MARCHF3: variants seen among roughly 807,000 people sequenced by gnomAD.
The protein encoded by MARCHF3 is E3 ubiquitin-protein ligase MARCHF3.
In MARCHF3, 13 loss-of-function variants were observed where a neutral mutation model predicts 24.2. The observed-to-expected ratio is 0.54, with a 90% CI of 0.35 to 0.85. MARCHF3 has a LOEUF of 0.85. Ranked by LOEUF, MARCHF3 falls within the 40% of genes least tolerant of loss-of-function variation. MARCHF3 has a pLI of 0.01. For synonymous variants in MARCHF3, 144 were observed against 137.3 expected, an observed-to-expected ratio of 1.05 and a Z score of -0.34; for missense variants, 276 against 325.0, an observed-to-expected ratio of 0.85 and a Z score of 1.16.
chr5:126,949,225 GAA>G (rs1484467362), intron 1 of MARCHF3, among the ~76,000 whole-genome samples: 4 of 152,142 alleles, frequency 2.6e-5, no homozygotes, highest in African/African-American at 9.7e-5. Context: ...TAAATGATAT[GAA>G]ATCTCAAATT....
intron 1 of MARCHF3, among the ~76,000 whole-genome samples, chr5:126,949,468 A>T (rs555341543): frequency 6.6e-6 from 1 of 152,332 alleles, no homozygotes; most frequent in South Asian, 2.1e-4. Context: ...CTATTAATAC[A>T]TCCTGAAAAA....
chr5:126,917,858 T>C, intron 2 of MARCHF3, 126 bp downstream of exon 2: 2 of 970,154 alleles, frequency 2.1e-6, no homozygotes, highest in African/African-American at 1.7e-5. Context: ...TTTTTTTTTT[T>C]TTCCAGCACC....
At chr5:126,958,058 T>C (rs533060234) in intron 1 of MARCHF3, among the ~76,000 whole-genome samples, 1 of 152,180 alleles carries the variant, frequency 6.6e-6, no homozygotes, top group Non-Finnish European at 1.5e-5. Flanking sequence ...GGGAAAGCTA[T>C]TGATTTTAGT....
chr5:126,994,890 C>T (rs1751896055), intron 1 of MARCHF3, among the ~76,000 whole-genome samples: 1 of 152,242 alleles, frequency 6.6e-6, no homozygotes, highest in South Asian at 2.1e-4. Context: ...GCTGGTTTGA[C>T]TCCAAGAGTC....
At chr5:127,019,290 G>C (rs76019059) in intron 1 of MARCHF3, among the ~76,000 whole-genome samples, 5 of 152,094 alleles carry the variant, frequency 3.3e-5, no homozygotes, top group Admixed American at 6.5e-5. Context: ...TCCAAGTCAC[G>C]ACAAGTAGTA....
chr5:127,001,433 C>A (rs1279077763), intron 1 of MARCHF3, among the ~76,000 whole-genome samples: 2 of 152,170 alleles, frequency 1.3e-5, no homozygotes, highest in Non-Finnish European at 2.9e-5. Context: ...TTACTGTCAT[C>A]TGTAAAACAA....
At chr5:126,999,441 G>A (rs796800173) in intron 1 of MARCHF3, among the ~76,000 whole-genome samples, 5 of 152,198 alleles carry the variant, frequency 3.3e-5, no homozygotes, top group African/African-American at 1.2e-4. Flanking sequence ...CCCAGCTCCC[G>A]TTCCTCCAAG....
chr5:126,916,514 C>T (rs1159112056), intron 2 of MARCHF3, among the ~76,000 whole-genome samples: 2 of 152,126 alleles, frequency 1.3e-5, no homozygotes, highest in African/African-American at 2.4e-5. Flanking sequence ...GATCTCCCTC[C>T]CACTAGCCTG....
At chr5:126,909,371 T>C (rs969243398) in intron 3 of MARCHF3, among the ~76,000 whole-genome samples, 26 of 152,234 alleles carry the variant, frequency 1.7e-4, no homozygotes, top group Non-Finnish European at 3.2e-4. Flanking sequence ...CCCGGCTGCT[T>C]TGTTTACCTA....
chr5:126,965,863 C>G lies in MARCHF3; in HGVS notation c.-56-47636G>C, dbSNP rs193142360. 9.8e-4 allele frequency among the ~76,000 whole-genome samples: 149 copies of G among 152,178 alleles called. 2 individuals carry two copies. The highest frequency in any genetic ancestry group is 4.0e-3 in the East Asian group (21 of 5,190). ...TTAAACATATATTTAACATATGACCCAATACTGGTATTTGCTGAAGGGAAA... is the reference window on the plus strand; with the variant it reads ...TTAAACATATATTTAACATATGACCGAATACTGGTATTTGCTGAAGGGAAA... On this transcript the variant is annotated intron_variant, in intron 1 of 4. Transcript: ENST00000308660.
chr5:126,947,999 C>T (rs192074981), intron 1 of MARCHF3, among the ~76,000 whole-genome samples: 168 of 152,204 alleles, frequency 1.1e-3, no homozygotes, highest in African/African-American at 3.9e-3. Flanking sequence ...CTTTTCCTAC[C>T]ATGCCTCTCA....
chr5:126,974,713 G>A (rs908942306), intron 1 of MARCHF3, among the ~76,000 whole-genome samples: 2 of 152,116 alleles, frequency 1.3e-5, no homozygotes, highest in African/African-American at 2.4e-5. Flanking sequence ...CACAAGTTAC[G>A]GAGACTGTGT....
intron 3 of MARCHF3, among the ~76,000 whole-genome samples, chr5:126,910,775 A>G (rs1400224539): frequency 6.6e-6 from 1 of 152,226 alleles, no homozygotes; most frequent in Admixed American, 6.5e-5. Flanking sequence ...TGAAAAAAGA[A>G]CAGGATAACA....
chr5:127,010,795 C>T (rs1360974845), intron 1 of MARCHF3, among the ~76,000 whole-genome samples: 1 of 152,140 alleles, frequency 6.6e-6, no homozygotes, highest in Non-Finnish European at 1.5e-5. Flanking sequence ...ATTATACCAA[C>T]TGTAATGTTG....
intron 1 of MARCHF3, among the ~76,000 whole-genome samples, chr5:126,921,289 G>A (rs944557350): frequency 5.9e-5 from 9 of 152,154 alleles, no homozygotes; most frequent in Non-Finnish European, 2.9e-5. Context: ...GGGGATGGCT[G>A]AGTTGGTTCT....
At chr5:126,879,796 G>A (rs1363056034) in intron 3 of MARCHF3, among the ~76,000 whole-genome samples, 2 of 152,186 alleles carry the variant, frequency 1.3e-5, no homozygotes, top group African/African-American at 2.4e-5. Flanking sequence ...CAGAGAAGGA[G>A]TGGGGTCAAA....
At chr5:126,905,928 T>C (rs1411895661) in intron 3 of MARCHF3, among the ~76,000 whole-genome samples, 1 of 152,162 alleles carries the variant, frequency 6.6e-6, no homozygotes, top group African/African-American at 2.4e-5. Flanking sequence ...TTTCTGCCCA[T>C]TCAGTATGAT....
chr5:126,938,496 G>C (rs1749720774), intron 1 of MARCHF3, among the ~76,000 whole-genome samples: 1 of 150,352 alleles, frequency 6.7e-6, no homozygotes, highest in African/African-American at 2.5e-5. Context: ...GAACTTTGTT[G>C]TTGTTGTTTT....
rs1026783943 is a variant in MARCHF3, at chr5:127,022,748, T to G, written c.-57+7602A>C. ...CAAGAGAAACCAGCATTTGAGTTCATGACCTAATCTGGGGTTGCTCATCTT... is the reference window on the plus strand; with the variant it reads ...CAAGAGAAACCAGCATTTGAGTTCAGGACCTAATCTGGGGTTGCTCATCTT... On this transcript the variant is annotated intron_variant, in intron 1 of 4. Transcript: ENST00000308660. 1.4e-4 allele frequency among the ~76,000 whole-genome samples: 21 copies of G among 152,368 alleles called. No homozygotes were observed. In the South Asian group the frequency reaches 4.3e-3, roughly 32 times the overall value.
Sources: allele counts gnomAD v4.1 joint callset (sites outside exome capture counted in the v4.1 genomes callset), GRCh38; gene constraint gnomAD v4.1.1; transcripts MANE v1.5; gene names NCBI Gene and HGNC (gene_info 2026-07-23, HGNC 2026-07-21).